Variants in UVRAG observed in about 807,000 individuals in gnomAD.
UVRAG encodes the protein UV radiation resistance-associated gene protein.
In UVRAG, 19 loss-of-function variants were observed where a neutral mutation model predicts 78.0. The ratio of observed to expected loss-of-function variants is 0.24; its 90% CI spans 0.17 to 0.36. The LOEUF is 0.36. UVRAG is among the 10% of genes least tolerant of loss of function. UVRAG has a pLI of 1.00. For missense variants in UVRAG, 740 were observed against 853.8 expected (o/e 0.87, Z 1.66); for synonymous variants, 323 against 324.6 (o/e 1.00, Z 0.05).
chr11:76,051,254 GT>G lies in UVRAG; in HGVS notation c.1227-14445del, dbSNP rs1424729934. Among the ~76,000 whole-genome samples, 1,397 of 147,262 alleles carry G rather than the reference GT, an allele frequency of 9.5e-3. 20 individuals carry two copies. The highest frequency in any genetic ancestry group is 0.033 in the African/African-American group (1,323 of 40,500). On this transcript the variant is annotated intron_variant, in intron 12 of 14. Transcript: ENST00000356136. ...TTGCATGCTTAATTGTGGATTTGGT[GT>G]TTTTTTTTTTCTTAACATTTACAGA... is the stretch of plus-strand genomic sequence containing the variant.
chr11:76,062,338 C>G (rs532722925), intron 12 of UVRAG, among the ~76,000 whole-genome samples: 1 of 152,286 alleles, frequency 6.6e-6, no homozygotes, highest in South Asian at 2.1e-4. Context: ...GTGTAACCCG[C>G]TACATCCACT....
intron 12 of UVRAG, among the ~76,000 whole-genome samples, chr11:76,060,024 A>G (rs996206151): frequency 6.6e-6 from 1 of 152,186 alleles, no homozygotes; most frequent in Non-Finnish European, 1.5e-5. Flanking sequence ...GCAAGAAACT[A>G]TTAGCAGCTT....
At chr11:75,907,509 C>T (rs1453794301) in intron 5 of UVRAG, among the ~76,000 whole-genome samples, 1 of 151,578 alleles carries the variant, frequency 6.6e-6, no homozygotes, top group Non-Finnish European at 1.5e-5. Context: ...ATCCTTCCTT[C>T]CTTCTTTCTA....
intron 14 of UVRAG, among the ~76,000 whole-genome samples, chr11:76,120,261 A>G (rs557285047): frequency 6.6e-6 from 1 of 152,360 alleles, no homozygotes; most frequent in East Asian, 1.9e-4. Flanking sequence ...CAAAATTACA[A>G]ATACAAAATT....
chr11:75,962,518 A>G (rs1247516038), intron 7 of UVRAG, among the ~76,000 whole-genome samples: 3 of 152,202 alleles, frequency 2.0e-5, no homozygotes, highest in South Asian at 2.1e-4. Context: ...AGCTAGTGCT[A>G]TAGCTGGCAG....
In UVRAG at chr11:76,072,881, T is replaced by C. The variant is rs139960853; in HGVS notation, c.1305+7093T>C. 4.1e-3 allele frequency among the ~76,000 whole-genome samples: 623 copies of C among 152,318 alleles called. 1 individual carries two copies. Among genetic ancestry groups the C allele is most frequent in the Non-Finnish European group, 6.9e-3 (472 of 68,016 alleles). The stretch of plus-strand genomic sequence containing the variant: ...GCAGTGTAATCAGTCCCTGGTTCCT[T>C]GGGGATCCCCAACACCCTCAGTAGG... On this transcript the variant is annotated intron_variant, in intron 13 of 14. Transcript: ENST00000356136.
At chr11:76,093,886 T>C (rs1185802661) in intron 13 of UVRAG, among the ~76,000 whole-genome samples, 1 of 152,168 alleles carries the variant, frequency 6.6e-6, no homozygotes, top group African/African-American at 2.4e-5. Flanking sequence ...CCAGAACTTC[T>C]AACACTATAT....
intron 7 of UVRAG, among the ~76,000 whole-genome samples, chr11:75,963,337 G>A (rs1948945724): frequency 1.3e-5 from 2 of 152,144 alleles, no homozygotes; most frequent in South Asian, 4.1e-4. Context: ...AATAGGACAG[G>A]AAAATGAAGC....
intron 3 of UVRAG, among the ~76,000 whole-genome samples, chr11:75,878,639 A>C (rs1590966272): frequency 2.0e-5 from 3 of 152,152 alleles, no homozygotes; most frequent in African/African-American, 7.2e-5. Flanking sequence ...CTGGCGGATC[A>C]CTCGCGGTTA....
chr11:76,004,073 G>A lies in UVRAG; in HGVS notation c.895G>A (p.Glu299Lys). The A allele has an allele frequency of 1.9e-6, 3 of 1,613,894 alleles. No homozygotes were observed. Among genetic ancestry groups the A allele is most frequent in the African/African-American group, 1.3e-5 (1 of 75,046 alleles). ...GGAATCCCTAAATGAGCTGAGGAAGGAGTGCACTGCAAAAAGGTAAATGCA... is the reference window on the plus strand; with the variant it reads ...GGAATCCCTAAATGAGCTGAGGAAGAAGTGCACTGCAAAAAGGTAAATGCA... ...QKESLNELRKECTAKRELFLK... is the reference protein window; with the variant it reads ...QKESLNELRKKCTAKRELFLK... Residue 299 changes from glutamate to lysine, a missense_variant, in exon 9 of 15, where the codon GAG becomes AAG. Glu to Lys is a moderately conservative substitution (Grantham distance 56, BLOSUM62 1). Coordinates refer to ENST00000356136, the MANE Select transcript of UVRAG (RefSeq NM_003369.4).
At chr11:75,920,008 GTTTTTTTTTTTTTTTTTTTTTTTT>G (rs140217190) in intron 6 of UVRAG, among the ~76,000 whole-genome samples, 1 of 55,462 alleles carries the variant, frequency 1.8e-5, no homozygotes, top group Non-Finnish European at 3.4e-5. Context: ...AATAATTTTG[GTTTTTTTTTTTTTTTTTTTTTTTT>G]TTTTTTTTTT....
At chr11:76,011,517 T>A (rs886483343) in intron 11 of UVRAG, among the ~76,000 whole-genome samples, 5 of 152,054 alleles carry the variant, frequency 3.3e-5, no homozygotes, top group African/African-American at 1.2e-4. Flanking sequence ...CTCAGCTACT[T>A]GGGAGGCTGA....
intron 12 of UVRAG, among the ~76,000 whole-genome samples, chr11:76,033,680 A>G (rs554420122): frequency 3.3e-5 from 5 of 152,328 alleles, no homozygotes; most frequent in African/African-American, 1.2e-4. Context: ...AAATATGGAC[A>G]TAATATATGA....
chr11:75,975,500 A>G (rs1295494209), intron 7 of UVRAG, among the ~76,000 whole-genome samples: 1 of 152,230 alleles, frequency 6.6e-6, no homozygotes, highest in Non-Finnish European at 1.5e-5. Context: ...ATCCATGAGC[A>G]TGGAATGTTC....
At chr11:75,899,621 A>T (rs566780534) in intron 5 of UVRAG, among the ~76,000 whole-genome samples, 2 of 152,340 alleles carry the variant, frequency 1.3e-5, no homozygotes, top group East Asian at 3.9e-4. Flanking sequence ...ATGCTGTATG[A>T]CATCTCCACA....
intron 1 of UVRAG, among the ~76,000 whole-genome samples, chr11:75,819,665 A>G (rs1945343037): frequency 6.6e-6 from 1 of 151,506 alleles, no homozygotes; most frequent in East Asian, 2.0e-4. Flanking sequence ...ACTATTTTTT[A>G]GAAAGTTTTA....
intron 12 of UVRAG, among the ~76,000 whole-genome samples, chr11:76,058,741 T>C (rs1951028526): frequency 6.6e-6 from 1 of 152,004 alleles, no homozygotes; most frequent in African/African-American, 2.4e-5. Context: ...CAACTACCAA[T>C]CAATCTCTAG....
At chr11:76,126,507 G>A (rs1271862600) in intron 14 of UVRAG, among the ~76,000 whole-genome samples, 1 of 152,212 alleles carries the variant, frequency 6.6e-6, no homozygotes, top group Admixed American at 6.5e-5. Context: ...ATGGTGGACA[G>A]CACAGTCCTT....
intron 1 of UVRAG, among the ~76,000 whole-genome samples, chr11:75,829,108 C>T (rs928306696): frequency 2.6e-5 from 4 of 152,042 alleles, no homozygotes; most frequent in Middle Eastern, 3.4e-3. Flanking sequence ...TTATATTGCC[C>T]AACGTCAGGC....
Sources: gnomAD v4.1 joint callset for allele counts (sites outside exome capture counted in the v4.1 genomes callset) on GRCh38, gnomAD v4.1.1 for gene constraint, MANE v1.5 for transcripts, NCBI Gene and HGNC (gene_info 2026-07-23, HGNC 2026-07-21) for gene names.